Variants in KLHL8 observed in about 807,000 individuals in gnomAD.
The protein encoded by KLHL8 is kelch like family member 8.
In KLHL8, 38 loss-of-function variants were observed where a neutral mutation model predicts 63.5. The ratio of observed to expected loss-of-function variants is 0.60; its 90% CI spans 0.46 to 0.78. The LOEUF is 0.78. Ranked by LOEUF, KLHL8 falls within the 30% of genes least tolerant of loss-of-function variation. The pLI is 0.00. For synonymous variants in KLHL8, 224 were observed against 254.3 expected (o/e 0.88, Z 1.13); for missense variants, 566 against 752.4 (o/e 0.75, Z 2.90).
At chr4:87,220,260 C>G (rs1163179013) in intron 1 of KLHL8, 158 bp downstream of exon 1, 1 of 152,330 alleles carries the variant, frequency 6.6e-6, no homozygotes, top group Admixed American at 6.5e-5. Context: ...TGCACGAGGG[C>G]TCGAATTTCC....
Position 87,208,393 on chromosome 4 carries a change from G to T in KLHL8, c.-152+12025C>A, listed in dbSNP as rs551101863. On this transcript the variant is annotated intron_variant, in intron 1 of 9. Transcript: ENST00000273963. The stretch of plus-strand genomic sequence containing the variant: ...TCTTTTTTTTTTTTTTTGAGGCAGG[G>T]TCTCACTCTGCCACCCAGGCTACAG... Among the ~76,000 whole-genome samples, 3 of 150,310 alleles carry T rather than the reference G, an allele frequency of 2.0e-5. No homozygotes were observed. In the South Asian group the frequency reaches 6.3e-4, roughly 32 times the overall value.
intron 1 of KLHL8, chr4:87,207,678 C>T (rs1578395246): frequency 1.9e-6 from 2 of 1,051,864 alleles, no homozygotes. Flanking sequence ...TGTGGCGTGA[C>T]AGCTGCAGGG....
rs570895601 is a variant in KLHL8 at position 87,237,550 on chromosome 4, C to T, written n.57+2708G>A. Among the ~76,000 whole-genome samples the T allele has an allele frequency of 3.3e-5, 5 of 152,214 alleles. No homozygotes were observed. The East Asian group carries it at 7.7e-4, about 24-fold the overall frequency. On this transcript the variant is annotated intron_variant and non_coding_transcript_variant, in intron 1 of 1. Coordinates refer to the KLHL8 transcript ENST00000506274. Reference sequence around the variant, plus strand: ...ATTGATTAAATAAACAAATCATAGCCAGGCACAGTGGCTCACACCTGTAAT... The same window carrying T: ...ATTGATTAAATAAACAAATCATAGCTAGGCACAGTGGCTCACACCTGTAAT...
intron 1 of KLHL8, among the ~76,000 whole-genome samples, chr4:87,214,573 A>C (rs1732528274): frequency 6.6e-6 from 1 of 151,472 alleles, no homozygotes; most frequent in Admixed American, 6.6e-5. Context: ...CAGAGAAGTT[A>C]AGACACCTAA....
intron 1 of KLHL8, among the ~76,000 whole-genome samples, chr4:87,227,156 T>C (rs1733045316): frequency 6.6e-6 from 1 of 150,842 alleles, no homozygotes; most frequent in African/African-American, 2.4e-5. Context: ...TTTTGCCTTC[T>C]TCTTTAGAAG....
At chr4:87,236,060 GCT>G (rs557331596) in intron 1 of KLHL8, among the ~76,000 whole-genome samples, 245 of 152,294 alleles carry the variant, frequency 1.6e-3, no homozygotes, top group Non-Finnish European at 2.3e-3. Flanking sequence ...GAATGAAATG[GCT>G]CTTTCTTAAA....
rs1214597163 is a variant in KLHL8 at position 87,176,797 on chromosome 4, T to C, written c.1168A>G (p.Thr390Ala). 3.7e-6 allele frequency: 6 copies of C among 1,606,942 alleles called. No homozygotes were observed. Among genetic ancestry groups the C allele is most frequent in the Middle Eastern group, 1.7e-4 (1 of 6,042 alleles). Residue 390 changes from threonine to alanine, a missense_variant, in exon 6 of 10, where the codon ACT becomes GCT. Physicochemically the swap from Thr to Ala is moderately conservative, Grantham distance 58. Transcript: ENST00000273963. ...LGSMEMFDPL[T>A]NKWMMKASMN... is the part of the protein sequence containing the mutation. ...GATGCCTTCATCATCCATTTATTAG[T>C]GAGAGGATCAAACATCTCCATACTC...
In KLHL8 at chr4:87,232,574, G is replaced by C. The variant is rs544045707; in HGVS notation, n.57+7684C>G. On this transcript the variant is annotated intron_variant and non_coding_transcript_variant, in intron 1 of 1. Transcript: ENST00000506274. ...CTGGTTTTACAATATGCATGACTTC[G>C]ATGTAACTAAAAAATGCCAAATTGT... Among the ~76,000 whole-genome samples, 8 of 152,256 alleles carry C rather than the reference G, an allele frequency of 5.3e-5. No homozygotes were observed. The South Asian group carries it at 1.7e-3, about 32-fold the overall frequency.
intron 8 of KLHL8, among the ~76,000 whole-genome samples, chr4:87,168,077 G>C (rs1730473769): frequency 6.6e-6 from 1 of 152,192 alleles, no homozygotes; most frequent in African/African-American, 2.4e-5. Context: ...AAAGGGGGAA[G>C]ATATATACCC....
chr4:87,176,081 AG>A (rs1730807226), intron 6 of KLHL8, among the ~76,000 whole-genome samples: 1 of 152,248 alleles, frequency 6.6e-6, no homozygotes, highest in Admixed American at 6.5e-5. Context: ...TGACTCAAAA[AG>A]TCTACAGATT....
intron 8 of KLHL8, among the ~76,000 whole-genome samples, chr4:87,165,851 A>AT (rs898804408): frequency 3.5e-4 from 54 of 152,270 alleles, no homozygotes; most frequent in African/African-American, 9.4e-4. Context: ...CACACCTTCA[A>AT]TTTTTTCTTA....
intron 2 of KLHL8, among the ~76,000 whole-genome samples, chr4:87,192,612 T>C (rs1023751169): frequency 1.3e-5 from 2 of 152,216 alleles, no homozygotes; most frequent in Non-Finnish European, 2.9e-5. Flanking sequence ...ACGTAGGCTG[T>C]AGTAAGCAGT....
At chr4:87,229,711 C>T (rs552096958) in intron 1 of KLHL8, among the ~76,000 whole-genome samples, 3 of 151,372 alleles carry the variant, frequency 2.0e-5, no homozygotes, top group African/African-American at 4.8e-5. Flanking sequence ...GAATTACAAG[C>T]GTGAGCCACT....
At chr4:87,214,030 G>T (rs1732499644) in intron 1 of KLHL8, among the ~76,000 whole-genome samples, 1 of 152,090 alleles carries the variant, frequency 6.6e-6, no homozygotes, top group Non-Finnish European at 1.5e-5. Context: ...TACATAGTAA[G>T]ATTCAATAAA....
intron 4 of KLHL8, among the ~76,000 whole-genome samples, chr4:87,179,104 G>A (rs1730948600): frequency 6.6e-6 from 1 of 151,974 alleles, no homozygotes; most frequent in African/African-American, 2.4e-5. Context: ...TCATCCCTTT[G>A]TTTTAGATTC....
At chr4:87,188,885 CTACT>C (rs1340347421) in intron 2 of KLHL8, among the ~76,000 whole-genome samples, 2 of 152,208 alleles carry the variant, frequency 1.3e-5, no homozygotes, top group Non-Finnish European at 2.9e-5. Flanking sequence ...GTCCCTGATA[CTACT>C]TAATTTTCTA....
chr4:87,227,006 T>A (rs7441826), intron 1 of KLHL8, among the ~76,000 whole-genome samples: 908 of 79,692 alleles, frequency 0.011, 57 homozygotes, highest in Non-Finnish European at 0.016. Flanking sequence ...TAATATATAT[T>A]ATATATAAAT....
intron 8 of KLHL8, among the ~76,000 whole-genome samples, chr4:87,168,858 G>A (rs1173915707): frequency 1.3e-5 from 2 of 149,500 alleles, no homozygotes; most frequent in Non-Finnish European, 3.0e-5. Context: ...TCTTTATTGG[G>A]TCTGTACCTT....
intron 1 of KLHL8, among the ~76,000 whole-genome samples, chr4:87,227,322 A>G (rs1733050215): frequency 6.6e-6 from 1 of 152,002 alleles, no homozygotes. Flanking sequence ...CTTGAGTTTT[A>G]GTAGCCATCT....
Sources: gnomAD v4.1 joint callset for allele counts (sites outside exome capture counted in the v4.1 genomes callset) on GRCh38, gnomAD v4.1.1 for gene constraint, MANE v1.5 for transcripts, NCBI Gene and HGNC (gene_info 2026-07-23, HGNC 2026-07-21) for gene names.